The following MLX variants were observed in gnomAD, a reference collection of about 807,000 sequenced individuals.
MLX encodes MAX dimerization protein MLX, also known as max-like protein X.
A neutral mutation model predicts 33.0 loss-of-function variants in MLX; 15 were observed. The observed-to-expected ratio is 0.45, with a 90% CI of 0.30 to 0.70. The LOEUF (loss-of-function observed/expected upper bound fraction) is 0.70. Among genes scored for constraint, MLX ranks in the 30% least tolerant of loss-of-function variants. The pLI is 0.07. For missense variants in MLX, 285 were observed against 306.3 expected, an observed-to-expected ratio of 0.93 and a Z score of 0.52; for synonymous variants, 115 against 115.6, an observed-to-expected ratio of 0.99 and a Z score of 0.03.
At chr17:42,568,356 C>CT (rs1479944763) in intron 2 of MLX, 114 bp from the exon 3 acceptor site, 3 of 698,002 alleles carry the variant, frequency 4.3e-6, no homozygotes, top group African/African-American at 1.8e-5. Flanking sequence ...GAGCGAGACT[C>CT]TGTCTAAAAA....
At chr17:42,567,208 T>G in intron 1 of MLX, 42 bp downstream of exon 1, 3 of 1,296,106 alleles carry the variant, frequency 2.3e-6, no homozygotes, top group Non-Finnish European at 2.9e-6. Context: ...GGAGGGCGGG[T>G]CGGGCTCGTG....
rs539102118 is a variant in MLX, at chr17:42,572,536, A to T, written c.*933A>T. Reference sequence around the variant, plus strand: ...GGGTACACAAGCCCAGCAGGTCCTGAGTGAAGCCGTGGGCCCTCCAAATGC... The same window carrying T: ...GGGTACACAAGCCCAGCAGGTCCTGTGTGAAGCCGTGGGCCCTCCAAATGC... On this transcript the variant is annotated 3_prime_UTR_variant, in exon 8 of 8. Transcript: ENST00000435881. 6 of 454,258 alleles carry T rather than the reference A, an allele frequency of 1.3e-5. No individual in the cohort carries two copies. Among genetic ancestry groups the T allele is most frequent in the Middle Eastern group, 6.9e-4 (1 of 1,442 alleles). The allele number at this position is 454,258 out of a possible 1,614,324, so 28.1% of individuals were successfully genotyped here. A position where few individuals can be genotyped will look rare whatever the true frequency, so the allele number is the denominator to read the frequency against.
intron 1 of MLX, 71 bp downstream of exon 1, chr17:42,567,237 G>A: frequency 7.6e-7 from 1 of 1,317,538 alleles, no homozygotes; most frequent in Non-Finnish European, 9.7e-7. Context: ...GGGGCCGGAA[G>A]ACGAGGGGCT....
chr17:42,569,592 A>C lies in MLX; in HGVS notation c.462A>C (p.Leu154=). The C allele has an allele frequency of 1.2e-6, 2 of 1,613,796 alleles. No individual in the cohort carries two copies. The highest frequency in any genetic ancestry group is 8.5e-7 in the Non-Finnish European group (1 of 1,179,734). The change falls in exon 6 of 8, where the codon CTA becomes CTC. Residue 154 remains leucine, a synonymous_variant. Coordinates refer to ENST00000435881, the MANE Select transcript of MLX (RefSeq NM_198204.2). ...VSTLRKDVTA[L]KIMKVNYEQI... is the part of the protein sequence containing the mutation. ...CGTTACGCAAGGATGTCACCGCCCT[A>C]AAGATCATGAAAGTGTAAGAGGGGT...
intron 2 of MLX, 48 bp downstream of exon 2, chr17:42,567,703 GCT>G: frequency 6.2e-7 from 1 of 1,612,962 alleles, no homozygotes. Context: ...TCCCGCCCAG[GCT>G]CTCTAGATTC....
At chr17:42,569,039 T>G in intron 4 of MLX, 96 bp downstream of exon 4, 2 of 1,353,192 alleles carry the variant, frequency 1.5e-6, no homozygotes, top group Non-Finnish European at 2.1e-6. Flanking sequence ...CCAGGCACCC[T>G]AGGGGGTGGG....
chr17:42,572,078 A>C lies in MLX; in HGVS notation c.*475A>C, dbSNP rs2093035930. 3.8e-6 allele frequency: 1 copy of C among 260,618 alleles called. No individual in the cohort carries two copies. The highest frequency in any genetic ancestry group is 2.3e-5 in the African/African-American group (1 of 44,040). The allele number at this position is 260,618 out of a possible 1,614,324, so 16.1% of individuals were successfully genotyped here. A position where few individuals can be genotyped will look rare whatever the true frequency, so the allele number is the denominator to read the frequency against. ...GTATGGGAGAAAAAGAGTAAGAGGA[A>C]ATATTCCCACAGCCATGAAGGGTGA... On this transcript the variant is annotated 3_prime_UTR_variant, in exon 8 of 8. Transcript: ENST00000435881.
Position 42,572,248 on chromosome 17 carries a change from G to A in MLX, c.*645G>A, listed in dbSNP as rs1431705329. The A allele has an allele frequency of 2.5e-6, 1 of 399,148 alleles. No homozygotes were observed. Among genetic ancestry groups the A allele is most frequent in the Non-Finnish European group, 5.0e-6 (1 of 199,534 alleles). 24.7% of individuals were successfully genotyped at this position (399,148 alleles called of 1,614,324 possible). ...TCCTCCTCTGCTCTGGGTGGTAAGG[G>A]AAGCCCTCCCGGTTCCCACAGGCTA... On this transcript the variant is annotated 3_prime_UTR_variant, in exon 8 of 8. Transcript: ENST00000435881.
At chr17:42,570,421 G>A (rs772761313) in intron 7 of MLX, among the ~76,000 whole-genome samples, 16 of 152,152 alleles carry the variant, frequency 1.1e-4, no homozygotes, top group South Asian at 4.1e-4. Flanking sequence ...CTTGGCTTTT[G>A]TCTAGCCCAT....
chr17:42,568,870 A>T lies in MLX; in HGVS notation c.203A>T (p.Tyr68Phe), dbSNP rs778119116. The T allele has an allele frequency of 6.2e-7, 1 of 1,611,574 alleles. No individual in the cohort carries two copies. The highest frequency in any genetic ancestry group is 8.5e-7 in the Non-Finnish European group (1 of 1,178,706). ...GACAGTGATTACCACCAGGAGGCCTACAAGGAGTCCTACAAAGACCGGCGG... is the reference window on the plus strand; with the variant it reads ...GACAGTGATTACCACCAGGAGGCCTTCAAGGAGTCCTACAAAGACCGGCGG... The part of the protein sequence containing the change: ...DEDSDYHQEA[Y>F]KESYKDRRRR... Residue 68 changes from tyrosine (Y) to phenylalanine (F), a missense_variant, in exon 4 of 8, where the codon TAC becomes TTC. Physicochemically the swap from Tyr to Phe is conservative, Grantham distance 22. Coordinates refer to ENST00000435881, the MANE Select transcript of MLX (RefSeq NM_198204.2).
chr17:42,569,130 C>A, intron 4 of MLX, 74 bp from the exon 5 acceptor site: 1 of 1,441,348 alleles, frequency 6.9e-7, no homozygotes, highest in Non-Finnish European at 9.7e-7. Flanking sequence ...AACTTGGTGT[C>A]ATGGAGGAAC....
chr17:42,569,061 G>C (rs1433299116), intron 4 of MLX, 118 bp downstream of exon 4: 2 of 1,282,464 alleles, frequency 1.6e-6, no homozygotes, highest in East Asian at 2.4e-5. Flanking sequence ...AGGTAGTATA[G>C]TCCCAGGCAC....
chr17:42,569,129 T>C (rs772566960), intron 4 of MLX, 75 bp from the exon 5 acceptor site: 18 of 1,437,000 alleles, frequency 1.3e-5, no homozygotes, highest in Non-Finnish European at 1.8e-5. Flanking sequence ...GAACTTGGTG[T>C]CATGGAGGAA....
chr17:42,569,229 T>C lies in MLX; in HGVS notation c.302T>C (p.Ile101Thr), dbSNP rs570620164. 2 of 1,613,998 alleles carry C rather than the reference T, an allele frequency of 1.2e-6. No homozygotes were observed. The highest frequency in any genetic ancestry group is 1.7e-6 in the Non-Finnish European group (2 of 1,180,022). ...AGAGGCTATGATGACCTTCAGACCA[T>C]CGTCCCCACTTGCCAGCAGCAGGAC... ...IKRGYDDLQT[I>T]VPTCQQQDFS... The change falls in exon 5 of 8, where the codon ATC (isoleucine) becomes ACC (threonine). Residue 101 changes from isoleucine to threonine, a missense_variant. Physicochemically the swap from Ile to Thr is moderately conservative, Grantham distance 89. Transcript: ENST00000435881.
At chr17:42,567,465 T>G (rs541880426) in intron 1 of MLX, 154 bp from the exon 2 acceptor site, 1 of 1,418,300 alleles carries the variant, frequency 7.1e-7, no homozygotes, top group South Asian at 1.3e-5. Context: ...CTCATTAAGC[T>G]GCCCGCGCAC....
In MLX at chr17:42,569,440, A is replaced by AG; in HGVS notation, c.377-66dup. 1.7e-5 allele frequency: 26 copies of AG among 1,523,628 alleles called. 1 individual carries two copies. The South Asian group carries it at 2.9e-4, about 17-fold the overall frequency. The allele number at this position is 1,523,628 out of a possible 1,614,324, so 94.4% of individuals were successfully genotyped here. A position where few individuals can be genotyped will look rare whatever the true frequency, so the allele number is the denominator to read the frequency against. On this transcript the variant is annotated intron_variant, in intron 5 of 7. Coordinates refer to ENST00000435881, the MANE Select transcript of MLX (RefSeq NM_198204.2). Reference sequence around the variant, plus strand: ...TTGGGGTCTGGGGTAAGGGGAACAAAGTCAGCCTTATCTTCTTGGTTGAGA... The same window carrying AG: ...TTGGGGTCTGGGGTAAGGGGAACAAAGGTCAGCCTTATCTTCTTGGTTGAGA...
At chr17:42,568,381 A>C (rs1478257743) in intron 2 of MLX, 89 bp from the exon 3 acceptor site, 7 of 871,444 alleles carry the variant, frequency 8.0e-6, no homozygotes, top group Non-Finnish European at 1.1e-5. Flanking sequence ...ATAAATAAAT[A>C]AAAGAAAGCC....
Position 42,569,565 on chromosome 17 carries a change from C to T in MLX, c.435C>T (p.Ser145=), listed in dbSNP as rs2093022503. Residue 145 remains serine (S), a synonymous_variant, in exon 6 of 8, where the codon TCC becomes TCT. Transcript: ENST00000435881. ...KEKKKQEEEV[S]TLRKDVTALK... ...AGAAAAAGCAGGAGGAGGAGGTGTCCACGTTACGCAAGGATGTCACCGCCC... is the reference window on the plus strand; with the variant it reads ...AGAAAAAGCAGGAGGAGGAGGTGTCTACGTTACGCAAGGATGTCACCGCCC... The T allele has an allele frequency of 6.2e-7, 1 of 1,614,052 alleles. No individual in the cohort carries two copies. The highest frequency in any genetic ancestry group is 8.5e-7 in the Non-Finnish European group (1 of 1,179,988).
In MLX at chr17:42,568,485, G is replaced by A; in HGVS notation, c.95G>A (p.Ser32Asn). 6.2e-7 allele frequency: 1 copy of A among 1,613,856 alleles called. No homozygotes were observed. Among genetic ancestry groups the A allele is most frequent in the Non-Finnish European group, 8.5e-7 (1 of 1,179,844 alleles). The change falls in exon 3 of 8, where the codon AGC becomes AAC. Residue 32 changes from serine to asparagine, a missense_variant. Transcript: ENST00000435881. ...NSLDPGLFVE[S>N]TRKGSVVSRA... ...TCTTTTCCAGGGCTTTTTGTAGAAA[G>A]CACCCGCAAGGGGAGTGTAGTGTCC...
Sources: gnomAD v4.1 joint callset for allele counts (sites outside exome capture counted in the v4.1 genomes callset) on GRCh38, gnomAD v4.1.1 for gene constraint, MANE v1.5 for transcripts, NCBI Gene and HGNC (gene_info 2026-07-23, HGNC 2026-07-21) for gene names.